NXPE2: variants seen among roughly 807,000 people sequenced by gnomAD.
The protein encoded by NXPE2 is neurexophilin and PC-esterase domain family member 2, also known as NXPE family member 2.
In NXPE2, 34 loss-of-function variants were observed where a neutral mutation model predicts 34.4. That is an observed-to-expected ratio of 0.99 (90% CI 0.75 to 1.31). NXPE2 has a LOEUF of 1.31. Among genes scored for constraint, NXPE2 ranks in the 40% most tolerant of loss-of-function variants. The pLI is 0.00. For missense variants in NXPE2, 649 were observed against 672.5 expected, an observed-to-expected ratio of 0.97 and a Z score of 0.39; for synonymous variants, 235 against 231.3, an observed-to-expected ratio of 1.02 and a Z score of -0.15.
At chr11:114,531,560 GC>G in the NXPE2 span, among the ~76,000 whole-genome samples, 1 of 152,054 alleles carries the variant, frequency 6.6e-6, no homozygotes, top group Admixed American at 6.6e-5. Flanking sequence ...CCCTTCAATG[GC>G]TTCTTGTAAT....
chr11:114,616,854 T>G, the NXPE2 span, among the ~76,000 whole-genome samples: 4 of 151,780 alleles, frequency 2.6e-5, no homozygotes, highest in African/African-American at 9.7e-5. Flanking sequence ...TAATAAATAT[T>G]GCCTCATGGG....
the NXPE2 span, chr11:114,571,033 A>T: frequency 2.0e-5 from 33 of 1,613,402 alleles, no homozygotes; most frequent in Non-Finnish European, 2.8e-5. Flanking sequence ...GTTATATCCC[A>T]GGCATCAATG....
the NXPE2 span, among the ~76,000 whole-genome samples, chr11:114,510,318 C>T: frequency 1.3e-5 from 2 of 152,122 alleles, no homozygotes; most frequent in East Asian, 3.9e-4. Flanking sequence ...ACTGCAGCCT[C>T]GAACTCCTAG....
the NXPE2 span, among the ~76,000 whole-genome samples, chr11:114,654,087 A>T: frequency 6.6e-6 from 1 of 152,278 alleles, no homozygotes; most frequent in East Asian, 1.9e-4. Flanking sequence ...GGTATGTACA[A>T]AGAAGCAGGA....
the NXPE2 span, among the ~76,000 whole-genome samples, chr11:114,668,348 C>G: frequency 6.6e-6 from 1 of 151,746 alleles, no homozygotes; most frequent in South Asian, 2.1e-4. Flanking sequence ...CCAGATAAGC[C>G]ACTCCTAAGT....
the NXPE2 span, among the ~76,000 whole-genome samples, chr11:114,511,849 G>A: frequency 6.6e-6 from 1 of 152,146 alleles, no homozygotes; most frequent in East Asian, 1.9e-4. Context: ...CATGTGACAT[G>A]CTGGGTCCTC....
the NXPE2 span, among the ~76,000 whole-genome samples, chr11:114,514,250 G>T: frequency 3.3e-5 from 5 of 152,110 alleles, no homozygotes; most frequent in Non-Finnish European, 7.4e-5. Context: ...GTCTCTCATT[G>T]CTGGACGTAT....
chr11:114,619,417 CTCG>C, the NXPE2 span, among the ~76,000 whole-genome samples: 1 of 151,610 alleles, frequency 6.6e-6, no homozygotes, highest in Non-Finnish European at 1.5e-5. Flanking sequence ...TAAGTGTTGC[CTCG>C]TGGGTAACCA....
the NXPE2 span, among the ~76,000 whole-genome samples, chr11:114,622,430 G>T: frequency 6.6e-6 from 1 of 151,710 alleles, no homozygotes; most frequent in African/African-American, 2.4e-5. Context: ...AATAAGTGTT[G>T]CCTTCTGCGT....
chr11:114,493,731 A>G, the NXPE2 span, among the ~76,000 whole-genome samples: 1 of 150,336 alleles, frequency 6.7e-6, no homozygotes, highest in African/African-American at 2.5e-5. Flanking sequence ...TCTACTCATG[A>G]TATAGTTTAT....
chr11:114,698,095 CA>C lies in NXPE2; in HGVS notation c.189del (p.Lys63AsnfsTer22), dbSNP rs779077802. 1 of 1,604,690 alleles carries C rather than the reference CA, an allele frequency of 6.2e-7. No individual in the cohort carries two copies. Among genetic ancestry groups the C allele is most frequent in the South Asian group, 1.1e-5 (1 of 89,810 alleles). ...HIILNQGNIF[K>X]KYSHSETPLC... ...TTATCCTGAACCAAGGGAACATCTT[CA>C]AAAAATATTCACACTCTGAAACACC... is the stretch of plus-strand genomic sequence containing the variant. On this transcript the variant is annotated frameshift_variant, in exon 3 of 6. Transcript: ENST00000389586. LOFTEE classifies it high-confidence loss of function.
the NXPE2 span, chr11:114,523,173 C>T: frequency 1.0e-6 from 1 of 977,340 alleles, no homozygotes; most frequent in Non-Finnish European, 1.6e-6. Context: ...CATTTTCTTG[C>T]TCTCTTTCCC....
At chr11:114,762,411 A>G in the NXPE2 span, among the ~76,000 whole-genome samples, 48 of 152,342 alleles carry the variant, frequency 3.2e-4, no homozygotes, top group African/African-American at 1.2e-3. Context: ...CTTATTTAAC[A>G]TTCACTGTGG....
the NXPE2 span, among the ~76,000 whole-genome samples, chr11:114,716,996 T>A: frequency 4.6e-5 from 7 of 152,328 alleles, no homozygotes; most frequent in African/African-American, 9.6e-5. Context: ...AATAATTTTT[T>A]AAAAATCTTT....
the NXPE2 span, among the ~76,000 whole-genome samples, chr11:114,790,310 C>G: frequency 6.6e-6 from 1 of 152,318 alleles, no homozygotes; most frequent in East Asian, 1.9e-4. Context: ...ACCCTAATGT[C>G]AGACCCTACA....
chr11:114,724,802 C>T, the NXPE2 span, among the ~76,000 whole-genome samples: 560 of 145,964 alleles, frequency 3.8e-3, no homozygotes, highest in African/African-American at 0.013. Context: ...ACAAGCAATT[C>T]TTGCAAAGCT....
At chr11:114,606,491 GATA>G in the NXPE2 span, among the ~76,000 whole-genome samples, 1 of 151,398 alleles carries the variant, frequency 6.6e-6, no homozygotes, top group Admixed American at 6.6e-5. Context: ...TTCCTTGGTG[GATA>G]ATAAGTGTTG....
rs1951492312 is a variant in NXPE2 at position 114,707,025 on chromosome 11, A to G, written c.*95A>G. 1 of 975,254 alleles carries G rather than the reference A, an allele frequency of 1.0e-6. No individual in the cohort carries two copies. The highest frequency in any genetic ancestry group is 1.5e-6 in the Non-Finnish European group (1 of 679,358). 60.4% of individuals were successfully genotyped at this position (975,254 alleles called of 1,614,324 possible). A position where few individuals can be genotyped will look rare whatever the true frequency, so the allele number is the denominator to read the frequency against. ...ATGCAATCCAAGTTTTGAGGAAACT[A>G]AATTTGAAAAAGTTCTATTAAAGTT... is the stretch of plus-strand genomic sequence containing the variant. On this transcript the variant is annotated 3_prime_UTR_variant, in exon 6 of 6. Transcript: ENST00000389586.
the NXPE2 span, among the ~76,000 whole-genome samples, chr11:114,726,284 C>T: frequency 3.3e-5 from 5 of 151,918 alleles, no homozygotes. Flanking sequence ...TGGCTGCTTT[C>T]AAGATGTTCT....
Sources: gnomAD v4.1 joint callset for allele counts (sites outside exome capture counted in the v4.1 genomes callset) on GRCh38, gnomAD v4.1.1 for gene constraint, MANE v1.5 for transcripts, NCBI Gene and HGNC (gene_info 2026-07-23, HGNC 2026-07-21) for gene names.